The following ZNF131 variants were observed in gnomAD, a reference collection of about 807,000 sequenced individuals.
ZNF131 encodes the protein zinc finger and BTB domain containing 35, also known as zinc finger protein 131.
In ZNF131, 7 loss-of-function variants were observed where a neutral mutation model predicts 60.0. That is an observed-to-expected ratio of 0.12 (90% CI 0.07 to 0.22). The LOEUF is 0.22. ZNF131 is among the 10% of genes least tolerant of loss of function. The pLI, the probability that ZNF131 is intolerant of heterozygous loss-of-function variation, is 1.00. For synonymous variants in ZNF131, 257 were observed against 253.2 expected (o/e 1.01, Z -0.14); for missense variants, 493 against 740.9 (o/e 0.67, Z 3.88).
intron 4 of ZNF131, among the ~76,000 whole-genome samples, chr5:43,150,398 C>T (rs10045186): frequency 0.061 from 9,346 of 152,196 alleles, 573 homozygotes; most frequent in African/African-American, 0.16. Context: ...GGAGAGTTGT[C>T]TTGTTCCATA....
intron 3 of ZNF131, among the ~76,000 whole-genome samples, chr5:43,135,633 G>A (rs1362632505): frequency 2.6e-5 from 4 of 152,016 alleles, no homozygotes; most frequent in Non-Finnish European, 5.9e-5. Flanking sequence ...CATTCCTGTA[G>A]TCCCAGCTAT....
chr5:43,133,323 G>C (rs951706218), intron 3 of ZNF131, among the ~76,000 whole-genome samples: 2 of 152,100 alleles, frequency 1.3e-5, no homozygotes, highest in African/African-American at 4.8e-5. Flanking sequence ...AAATTAGCCA[G>C]GCGTGGTGGT....
chr5:43,172,634 C>G (rs1323951908), intron 5 of ZNF131, among the ~76,000 whole-genome samples: 1 of 149,932 alleles, frequency 6.7e-6, no homozygotes, highest in Non-Finnish European at 1.5e-5. Context: ...AAAAAAAAAC[C>G]CTAATTTATA....
intron 4 of ZNF131, among the ~76,000 whole-genome samples, chr5:43,149,354 G>A (rs900149939): frequency 1.3e-5 from 2 of 152,076 alleles, no homozygotes; most frequent in African/African-American, 2.4e-5. Context: ...AGAAATTCAC[G>A]TATATTAGTG....
intron 5 of ZNF131, chr5:43,173,040 A>T (rs909442329): frequency 4.6e-6 from 1 of 219,394 alleles, no homozygotes; most frequent in Non-Finnish European, 8.9e-6. Flanking sequence ...AGGGAAAATA[A>T]TTTTTTTAAG....
rs950211003 is a variant in ZNF131 at position 43,122,025 on chromosome 5, C to T, written c.-15-14C>T. On this transcript the variant is annotated splice_polypyrimidine_tract_variant and intron_variant, in intron 1 of 6. Transcript: ENST00000682664. Reference sequence around the variant, plus strand: ...GAGCTCATGGGTGTACATTATCATGCTCTTCTTTTGTAGAGCAGCCCGACG... The same window carrying T: ...GAGCTCATGGGTGTACATTATCATGTTCTTCTTTTGTAGAGCAGCCCGACG... 2 of 1,612,662 alleles carry T rather than the reference C, an allele frequency of 1.2e-6. No individual in the cohort carries two copies. The highest frequency in any genetic ancestry group is 2.2e-5 in the South Asian group (2 of 90,940).
chr5:43,135,824 A>G (rs1746011100), intron 3 of ZNF131, among the ~76,000 whole-genome samples: 1 of 150,548 alleles, frequency 6.6e-6, no homozygotes. Context: ...AAATTTGAAA[A>G]TCTGAACTGC....
At chr5:43,154,875 C>T (rs533602894) in intron 4 of ZNF131, among the ~76,000 whole-genome samples, 1 of 152,218 alleles carries the variant, frequency 6.6e-6, no homozygotes, top group South Asian at 2.1e-4. Context: ...TTTAATCTGC[C>T]AAGTCTTCCA....
At chr5:43,147,686 G>T (rs2111660284) in intron 4 of ZNF131, among the ~76,000 whole-genome samples, 1 of 150,714 alleles carries the variant, frequency 6.6e-6, no homozygotes, top group Admixed American at 6.6e-5. Context: ...CTCCCAAAGT[G>T]CTGGGATTAC....
chr5:43,128,656 CAAA>C (rs1170687481), intron 3 of ZNF131, among the ~76,000 whole-genome samples: 3 of 70,112 alleles, frequency 4.3e-5, no homozygotes, highest in Admixed American at 1.8e-4. Flanking sequence ...GACTCCATCT[CAAA>C]AAAAAAAAAA....
chr5:43,159,102 C>T (rs1749319476), intron 4 of ZNF131, among the ~76,000 whole-genome samples: 1 of 152,130 alleles, frequency 6.6e-6, no homozygotes, highest in African/African-American at 2.4e-5. Flanking sequence ...CAGGTGAATG[C>T]ATAAGATTGA....
intron 5 of ZNF131, among the ~76,000 whole-genome samples, chr5:43,171,035 C>A (rs1280526492): frequency 6.6e-6 from 1 of 151,670 alleles, no homozygotes; most frequent in Non-Finnish European, 1.5e-5. Context: ...ACCCCTGCCT[C>A]CTGGGTTCAA....
chr5:43,125,785 A>C (rs529451556), intron 3 of ZNF131, among the ~76,000 whole-genome samples: 1 of 144,496 alleles, frequency 6.9e-6, no homozygotes, highest in Non-Finnish European at 1.5e-5. Context: ...CGTCTCAAAG[A>C]AAAAAAAAAG....
At chr5:43,130,192 A>G (rs1248090078) in intron 3 of ZNF131, among the ~76,000 whole-genome samples, 1 of 141,822 alleles carries the variant, frequency 7.1e-6, no homozygotes, top group Admixed American at 7.7e-5. Flanking sequence ...TGAACCTGAG[A>G]GGTGGAGATT....
At chr5:43,135,143 C>G (rs1225871109) in intron 3 of ZNF131, among the ~76,000 whole-genome samples, 1 of 151,844 alleles carries the variant, frequency 6.6e-6, no homozygotes, top group Non-Finnish European at 1.5e-5. Context: ...GGATTACAGG[C>G]ATGCACCACC....
At chr5:43,162,570 C>T (rs1300123017) in intron 5 of ZNF131, among the ~76,000 whole-genome samples, 1 of 126,690 alleles carries the variant, frequency 7.9e-6, no homozygotes, top group East Asian at 2.7e-4. Flanking sequence ...CCAGCCTGGT[C>T]AATAGAGTGA....
rs1160384118 is a variant in ZNF131, at chr5:43,123,205, C to T, written c.125-4C>T. The T allele has an allele frequency of 2.5e-6, 4 of 1,589,700 alleles. No homozygotes were observed. Among genetic ancestry groups the T allele is most frequent in the Non-Finnish European group, 2.6e-6 (3 of 1,172,016 alleles). On this transcript the variant is annotated splice_region_variant and splice_polypyrimidine_tract_variant and intron_variant, in intron 2 of 6. Transcript: ENST00000682664. Reference sequence around the variant, plus strand: ...ATTTTCTTTTTTTTTCTTATTTTACCTAGGACACCATTTTAAGGCTCACAA... The same window carrying T: ...ATTTTCTTTTTTTTTCTTATTTTACTTAGGACACCATTTTAAGGCTCACAA...
chr5:43,162,622 G>T (rs112151862), intron 5 of ZNF131, among the ~76,000 whole-genome samples: 1 of 135,872 alleles, frequency 7.4e-6, no homozygotes, highest in Admixed American at 7.4e-5. Context: ...AAAAAAAAGC[G>T]GCCAGGCGCG....
chr5:43,169,074 G>A (rs1007277335), intron 5 of ZNF131, among the ~76,000 whole-genome samples: 20 of 152,182 alleles, frequency 1.3e-4, no homozygotes, highest in Admixed American at 2.6e-4. Context: ...TAGTTTCCAA[G>A]AAAAGTAGTG....
Sources: gnomAD v4.1 joint callset for allele counts (sites outside exome capture counted in the v4.1 genomes callset) on GRCh38, gnomAD v4.1.1 for gene constraint, MANE v1.5 for transcripts, NCBI Gene and HGNC (gene_info 2026-07-23, HGNC 2026-07-21) for gene names.